Variants in TVP23B observed in about 807,000 individuals in gnomAD.
TVP23B encodes the protein Golgi apparatus membrane protein TVP23 homolog B.
Under a neutral mutation model 30.6 loss-of-function variants are expected in TVP23B, and 10 were observed. The ratio of observed to expected loss-of-function variants is 0.33; its 90% CI spans 0.20 to 0.55. The LOEUF (loss-of-function observed/expected upper bound fraction) is 0.55, where lower values mean the gene tolerates loss of function less well. TVP23B is among the 20% of genes least tolerant of loss of function. The pLI, the probability that TVP23B is intolerant of heterozygous loss-of-function variation, is 0.91. For missense variants in TVP23B, 153 were observed against 243.2 expected (o/e 0.63, Z 2.47); for synonymous variants, 67 against 83.1 (o/e 0.81, Z 1.06).
chr17:18,784,745 CTTTG>C (rs1406604662), intron 1 of TVP23B, among the ~76,000 whole-genome samples: 1 of 152,318 alleles, frequency 6.6e-6, no homozygotes, highest in East Asian at 1.9e-4. Flanking sequence ...CCTGGAGGCA[CTTTG>C]TTTGGTTTCC....
At chr17:18,789,076 T>C in intron 1 of TVP23B, 2 of 417,850 alleles carry the variant, frequency 4.8e-6, no homozygotes, top group Non-Finnish European at 8.9e-6. Context: ...TGTTAAGTTG[T>C]AGTAGCCTCA....
At chr17:18,788,033 A>G (rs1020714077) in intron 1 of TVP23B, among the ~76,000 whole-genome samples, 1 of 151,546 alleles carries the variant, frequency 6.6e-6, no homozygotes, top group Non-Finnish European at 1.5e-5. Context: ...GGCGTGAACC[A>G]CTCTTAGAAG....
chr17:18,800,107 A>G (rs1406894055), intron 5 of TVP23B, among the ~76,000 whole-genome samples: 1 of 151,266 alleles, frequency 6.6e-6, no homozygotes, highest in African/African-American at 2.4e-5. Context: ...CCCTCCTCCT[A>G]CCTCTAGAGT....
intron 1 of TVP23B, among the ~76,000 whole-genome samples, chr17:18,785,581 A>G (rs1424863943): frequency 6.6e-6 from 1 of 152,090 alleles, no homozygotes; most frequent in African/African-American, 2.4e-5. Context: ...AAGGAACTGA[A>G]AAGAAGGCCA....
intron 1 of TVP23B, among the ~76,000 whole-genome samples, chr17:18,786,518 C>G (rs987712719): frequency 2.0e-5 from 3 of 151,974 alleles, no homozygotes; most frequent in Non-Finnish European, 1.5e-5. Flanking sequence ...CTGTTGGGAT[C>G]GAGAGCAGAA....
At chr17:18,784,166 A>AAACC (rs1361098834) in intron 1 of TVP23B, among the ~76,000 whole-genome samples, 1 of 147,616 alleles carries the variant, frequency 6.8e-6, no homozygotes, top group Non-Finnish European at 1.5e-5. Context: ...ACAAACAAAC[A>AAACC]AAACAAACTT....
intron 1 of TVP23B, among the ~76,000 whole-genome samples, chr17:18,787,835 TAGG>T (rs1395168355): frequency 1.3e-5 from 2 of 151,866 alleles, no homozygotes; most frequent in Non-Finnish European, 2.9e-5. Flanking sequence ...CCTATACTTG[TAGG>T]GATGCCATTG....
chr17:18,802,158 T>C (rs1275949985), intron 5 of TVP23B, among the ~76,000 whole-genome samples: 3 of 151,784 alleles, frequency 2.0e-5, no homozygotes, highest in Admixed American at 6.6e-5. Context: ...GGAGGCAGAG[T>C]TTGCAGTGAG....
At chr17:18,797,345 T>C (rs1434161904) in intron 3 of TVP23B, 1 of 487,654 alleles carries the variant, frequency 2.1e-6, no homozygotes, top group African/African-American at 2.0e-5. Context: ...GAAGGTGTAA[T>C]GTTTATGGGT....
intron 1 of TVP23B, among the ~76,000 whole-genome samples, chr17:18,788,654 C>T (rs1034173216): frequency 4.6e-5 from 7 of 151,484 alleles, no homozygotes; most frequent in African/African-American, 1.7e-4. Context: ...TGGTGGCACA[C>T]GCCTGTAATC....
At chr17:18,799,047 G>A (rs1159806934) in intron 5 of TVP23B, 104 bp downstream of exon 5, 1 of 1,348,622 alleles carries the variant, frequency 7.4e-7, no homozygotes, top group Non-Finnish European at 9.9e-7. Flanking sequence ...GACCTATCTT[G>A]AATAGGCAGC....
chr17:18,805,471 C>G, intron 6 of TVP23B, 70 bp from the exon 7 acceptor site: 1 of 1,594,518 alleles, frequency 6.3e-7, no homozygotes, highest in Non-Finnish European at 8.5e-7. Flanking sequence ...TAGGCCTAGT[C>G]CCCAAGTCCA....
intron 1 of TVP23B, among the ~76,000 whole-genome samples, chr17:18,782,837 T>A (rs993862232): frequency 6.6e-6 from 1 of 151,860 alleles, no homozygotes; most frequent in Non-Finnish European, 1.5e-5. Flanking sequence ...TTTGGCTGGC[T>A]CCTTTATTGC....
chr17:18,802,958 G>A (rs1210057296), intron 5 of TVP23B, among the ~76,000 whole-genome samples: 1 of 151,962 alleles, frequency 6.6e-6, no homozygotes, highest in Non-Finnish European at 1.5e-5. Context: ...ACACTAACAC[G>A]TTTAATTCCA....
At chr17:18,788,309 C>T (rs55895228) in intron 1 of TVP23B, among the ~76,000 whole-genome samples, 45,085 of 121,156 alleles carry the variant, frequency 0.37, 8,326 homozygotes, top group Non-Finnish European at 0.43. Context: ...CCAGCCTGAG[C>T]GACAGAGCAA....
chr17:18,787,538 CAT>C (rs1332165504), intron 1 of TVP23B, among the ~76,000 whole-genome samples: 2 of 151,936 alleles, frequency 1.3e-5, no homozygotes, highest in East Asian at 1.9e-4. Context: ...GCTGTGGGAA[CAT>C]GGGGATTTCA....
At chr17:18,797,075 T>A (rs2036087868) in intron 3 of TVP23B, 1 of 167,984 alleles carries the variant, frequency 6.0e-6, no homozygotes. Context: ...ACATAGTAGA[T>A]GCTCAGTAAA....
chr17:18,784,975 A>G (rs1337920795), intron 1 of TVP23B, among the ~76,000 whole-genome samples: 1 of 152,208 alleles, frequency 6.6e-6, no homozygotes, highest in Non-Finnish European at 1.5e-5. Context: ...TCAGTCCATC[A>G]GCAAATCCTG....
chr17:18,795,136 C>T (rs9709286), intron 3 of TVP23B, among the ~76,000 whole-genome samples: 13,524 of 149,312 alleles, frequency 0.091, 631 homozygotes, highest in African/African-American at 0.11. Flanking sequence ...AAGCCATTCT[C>T]CTGCCTCACC....
Sources: allele counts gnomAD v4.1 joint callset (sites outside exome capture counted in the v4.1 genomes callset), GRCh38; gene constraint gnomAD v4.1.1; transcripts MANE v1.5; gene names NCBI Gene and HGNC (gene_info 2026-07-23, HGNC 2026-07-21).